ZNF423: variants seen among roughly 807,000 people sequenced by gnomAD.
ZNF423 encodes the protein zinc finger protein 423, also known as Ebf-associated zinc finger protein.
Under a neutral mutation model 95.8 loss-of-function variants are expected in ZNF423, and 12 were observed. The observed-to-expected ratio is 0.13, with a 90% CI of 0.08 to 0.20. ZNF423 has a LOEUF of 0.20. Among genes scored for constraint, ZNF423 ranks in the 10% least tolerant of loss-of-function variants. ZNF423 has a pLI of 1.00. For synonymous variants in ZNF423, 749 were observed against 711.9 expected (o/e 1.05, Z -0.83); for missense variants, 1,316 against 1,737.1 (o/e 0.76, Z 4.31).
chr16:49,734,734 A>G (rs2143430606), intron 2 of ZNF423, among the ~76,000 whole-genome samples: 1 of 152,336 alleles, frequency 6.6e-6, no homozygotes, highest in South Asian at 2.1e-4. Flanking sequence ...CGTCCAGCTG[A>G]CAAGATTCCC....
At chr16:49,713,182 A>G (rs1315389647) in intron 3 of ZNF423, among the ~76,000 whole-genome samples, 2 of 152,186 alleles carry the variant, frequency 1.3e-5, no homozygotes, top group African/African-American at 4.8e-5. Flanking sequence ...CTAAAAGCCC[A>G]CAGTCACCTG....
chr16:49,653,256 G>C (rs577888831), intron 3 of ZNF423, among the ~76,000 whole-genome samples: 2 of 141,974 alleles, frequency 1.4e-5, no homozygotes, highest in African/African-American at 5.3e-5. Flanking sequence ...GTCTTGGGAG[G>C]ACCTGAAGGA....
At chr16:49,536,343 ACTGACTT>A (rs1969053618) in intron 5 of ZNF423, among the ~76,000 whole-genome samples, 1 of 151,798 alleles carries the variant, frequency 6.6e-6, no homozygotes, top group Non-Finnish European at 1.5e-5. Context: ...GAAAATAATG[ACTGACTT>A]CTATTGAAAA....
intron 3 of ZNF423, among the ~76,000 whole-genome samples, chr16:49,639,743 G>A (rs1229636837): frequency 6.6e-6 from 1 of 152,174 alleles, no homozygotes; most frequent in Non-Finnish European, 1.5e-5. Flanking sequence ...GCAAAGGCAA[G>A]GAAGAGACAA....
At chr16:49,611,613 A>G (rs995989052) in intron 5 of ZNF423, among the ~76,000 whole-genome samples, 1 of 152,040 alleles carries the variant, frequency 6.6e-6, no homozygotes, top group African/African-American at 2.4e-5. Flanking sequence ...AACATAGAAC[A>G]AGCAGAATGC....
At chr16:49,840,752 C>T (rs889952739) in intron 1 of ZNF423, among the ~76,000 whole-genome samples, 1 of 152,170 alleles carries the variant, frequency 6.6e-6, no homozygotes, top group African/African-American at 2.4e-5. Flanking sequence ...CACACACATG[C>T]ACACACATAC....
chr16:49,676,613 A>G (rs953296584), intron 3 of ZNF423, among the ~76,000 whole-genome samples: 1 of 151,976 alleles, frequency 6.6e-6, no homozygotes, highest in African/African-American at 2.4e-5. Flanking sequence ...GCAGCCACAA[A>G]CAACTGTTCT....
At chr16:49,822,433 C>G (rs1460376521) in intron 1 of ZNF423, among the ~76,000 whole-genome samples, 1 of 152,144 alleles carries the variant, frequency 6.6e-6, no homozygotes, top group Non-Finnish European at 1.5e-5. Flanking sequence ...CTCAACCTCC[C>G]AAAATGTTGG....
chr16:49,649,181 C>G (rs977833909), intron 3 of ZNF423, among the ~76,000 whole-genome samples: 1 of 152,118 alleles, frequency 6.6e-6, no homozygotes, highest in Non-Finnish European at 1.5e-5. Flanking sequence ...GATGACTAAG[C>G]GGGCAGAACC....
At position 49,776,412 on chromosome 16, in the gene ZNF423, C is replaced by T. The variant is rs143001025; in HGVS notation, c.100+13075G>A. ...GGAAATAACAGGGGCCCCCAGAGGC[C>T]GCCCAGGCAGGCCCTGCTCCGAGGC... is the stretch of plus-strand genomic sequence containing the variant. On this transcript the variant is annotated intron_variant, in intron 2 of 7. Coordinates refer to ENST00000563137, the MANE Select transcript of ZNF423 (RefSeq NM_001379286.1). Among the ~76,000 whole-genome samples the T allele has an allele frequency of 6.4e-3, 980 of 152,348 alleles. 5 individuals carry two copies. Among genetic ancestry groups the T allele is most frequent in the Non-Finnish European group, 9.4e-3 (641 of 68,022 alleles).
chr16:49,784,941 C>T (rs2034285177), intron 2 of ZNF423, among the ~76,000 whole-genome samples: 2 of 144,050 alleles, frequency 1.4e-5, no homozygotes, highest in African/African-American at 2.6e-5. Context: ...CAGAATGAGA[C>T]TCTGTCTCAA....
chr16:49,605,598 C>G (rs1971512060), intron 5 of ZNF423, among the ~76,000 whole-genome samples: 1 of 152,140 alleles, frequency 6.6e-6, no homozygotes, highest in Non-Finnish European at 1.5e-5. Flanking sequence ...TTCTGAGCGA[C>G]AGCAGACACT....
intron 5 of ZNF423, among the ~76,000 whole-genome samples, chr16:49,542,536 G>A (rs1740540596): frequency 6.6e-6 from 1 of 152,236 alleles, no homozygotes; most frequent in South Asian, 2.1e-4. Context: ...TGTGCCTGCT[G>A]TGACACATGG....
chr16:49,756,400 A>G (rs2143606702), intron 2 of ZNF423, among the ~76,000 whole-genome samples: 1 of 152,268 alleles, frequency 6.6e-6, no homozygotes, highest in South Asian at 2.1e-4. Flanking sequence ...CAAAATACAC[A>G]TCTTAGAATG....
At position 49,744,373 on chromosome 16, in the gene ZNF423, G is replaced by A. The variant is rs150667789; in HGVS notation, c.101-13402C>T. Among the ~76,000 whole-genome samples, 75 of 151,620 alleles carry A rather than the reference G, an allele frequency of 4.9e-4. No individual in the cohort carries two copies. The East Asian group carries it at 0.013, about 27-fold the overall frequency. ...TGGCCAGGCAGGCTGTCCCCAGGCCGAGCACACACATGGCCAGGCGGGGTG... is the reference window on the plus strand; with the variant it reads ...TGGCCAGGCAGGCTGTCCCCAGGCCAAGCACACACATGGCCAGGCGGGGTG... On this transcript the variant is annotated intron_variant, in intron 2 of 7. Transcript: ENST00000563137.
intron 2 of ZNF423, among the ~76,000 whole-genome samples, chr16:49,749,127 G>C (rs1226890374): frequency 3.3e-5 from 5 of 152,186 alleles, no homozygotes; most frequent in South Asian, 2.1e-4. Flanking sequence ...CCACTCCACA[G>C]GGGTATCTAG....
intron 5 of ZNF423, among the ~76,000 whole-genome samples, chr16:49,525,908 A>G (rs1187315866): frequency 6.6e-6 from 1 of 152,240 alleles, no homozygotes; most frequent in Non-Finnish European, 1.5e-5. Flanking sequence ...TGTGCCAGGT[A>G]CTTTGCTCTA....
At chr16:49,846,067 C>T (rs1276571307) in intron 1 of ZNF423, among the ~76,000 whole-genome samples, 2 of 152,002 alleles carry the variant, frequency 1.3e-5, no homozygotes, top group African/African-American at 4.8e-5. Context: ...CGGATGAGGC[C>T]GAGGCAGGCG....
At chr16:49,545,973 T>G (rs1304036633) in intron 5 of ZNF423, among the ~76,000 whole-genome samples, 1 of 152,222 alleles carries the variant, frequency 6.6e-6, no homozygotes, top group Non-Finnish European at 1.5e-5. Flanking sequence ...CTGTGCTAAC[T>G]TCCTTACCAT....
Sources: gnomAD v4.1 joint callset for allele counts (sites outside exome capture counted in the v4.1 genomes callset) on GRCh38, gnomAD v4.1.1 for gene constraint, MANE v1.5 for transcripts, NCBI Gene and HGNC (gene_info 2026-07-23, HGNC 2026-07-21) for gene names.